GRM8: variants seen among roughly 807,000 people sequenced by gnomAD.
GRM8 encodes glutamate metabotropic receptor 8.
A neutral mutation model predicts 87.2 loss-of-function variants in GRM8; 47 were observed. The observed-to-expected ratio is 0.54, with a 90% CI of 0.43 to 0.69. The LOEUF (loss-of-function observed/expected upper bound fraction) is 0.69. GRM8 is among the 30% of genes least tolerant of loss of function. The pLI is 0.00. For missense variants in GRM8, 1,019 were observed against 1,139.2 expected (o/e 0.89, Z 1.52); for synonymous variants, 396 against 404.5 (o/e 0.98, Z 0.25).
rs139324502 is a variant in GRM8 at position 126,978,198 on chromosome 7, C to T, written c.728-73515G>A. Among the ~76,000 whole-genome samples, 720 of 150,194 alleles carry T rather than the reference C, an allele frequency of 4.8e-3. 7 individuals carry two copies. Among genetic ancestry groups the T allele is most frequent in the African/African-American group, 0.016 (661 of 40,818 alleles). ...GGGAAGGAGAAAAAGAGTAGGGAAG[C>T]GGAGGGGAGGAAAAGACAGGAGAGG... On this transcript the variant is annotated intron_variant, in intron 3 of 10. Transcript: ENST00000339582.
chr7:126,900,780 G>A (rs979717899), intron 6 of GRM8, among the ~76,000 whole-genome samples: 7 of 152,104 alleles, frequency 4.6e-5, no homozygotes, highest in Non-Finnish European at 8.8e-5. Flanking sequence ...AAAGTGCTAG[G>A]ATTACAGGTT....
At chr7:127,154,364 CA>C (rs1333739393) in intron 2 of GRM8, among the ~76,000 whole-genome samples, 4 of 152,048 alleles carry the variant, frequency 2.6e-5, no homozygotes, top group African/African-American at 9.7e-5. Context: ...CTTAAAACAC[CA>C]AGTGATGTTG....
chr7:126,674,181 A>T (rs2151313938), intron 7 of GRM8, among the ~76,000 whole-genome samples: 1 of 152,280 alleles, frequency 6.6e-6, no homozygotes, highest in East Asian at 1.9e-4. Flanking sequence ...GCTCTACTGT[A>T]CTGCTTACTA....
At chr7:126,823,575 T>C (rs1485176153) in intron 6 of GRM8, among the ~76,000 whole-genome samples, 1 of 152,232 alleles carries the variant, frequency 6.6e-6, no homozygotes, top group Non-Finnish European at 1.5e-5. Context: ...CCACATTAAG[T>C]AAATAAAGGT....
chr7:126,467,657 C>A (rs1248533606), intron 9 of GRM8, among the ~76,000 whole-genome samples: 1 of 151,934 alleles, frequency 6.6e-6, no homozygotes, highest in African/African-American at 2.4e-5. Context: ...TGCATTACTA[C>A]AATAACTAAC....
intron 7 of GRM8, among the ~76,000 whole-genome samples, chr7:126,692,996 T>TCA (rs1290328919): frequency 6.6e-6 from 1 of 152,210 alleles, no homozygotes; most frequent in Non-Finnish European, 1.5e-5. Context: ...AGAATGGTGT[T>TCA]GCCTTCACCC....
At chr7:127,244,157 C>T (rs887869368) in intron 1 of GRM8, among the ~76,000 whole-genome samples, 1 of 152,108 alleles carries the variant, frequency 6.6e-6, no homozygotes, top group Non-Finnish European at 1.5e-5. Flanking sequence ...GAAAATGAAA[C>T]ACACAGGTAA....
intron 7 of GRM8, among the ~76,000 whole-genome samples, chr7:126,710,215 A>G (rs899879628): frequency 1.3e-5 from 2 of 152,226 alleles, no homozygotes; most frequent in African/African-American, 4.8e-5. Context: ...TCTTGCCTCA[A>G]TGTTGATGGC....
At chr7:127,146,127 G>C (rs1196425196) in intron 2 of GRM8, among the ~76,000 whole-genome samples, 2 of 151,962 alleles carry the variant, frequency 1.3e-5, no homozygotes, top group East Asian at 3.9e-4. Flanking sequence ...TATTTAGTAA[G>C]TCAGATTTGA....
At chr7:126,640,736 C>T (rs1020471702) in intron 7 of GRM8, among the ~76,000 whole-genome samples, 15 of 151,948 alleles carry the variant, frequency 9.9e-5, no homozygotes, top group Non-Finnish European at 2.2e-4. Context: ...TCTGGACCTT[C>T]CCCCCCTCCT....
chr7:126,727,074 A>G (rs549107172), intron 7 of GRM8, among the ~76,000 whole-genome samples: 28 of 151,990 alleles, frequency 1.8e-4, no homozygotes, highest in Non-Finnish European at 4.1e-4. Context: ...ACTTACGTGT[A>G]TTTAATCATA....
chr7:126,964,276 A>G (rs1230512328), intron 3 of GRM8, among the ~76,000 whole-genome samples: 1 of 152,218 alleles, frequency 6.6e-6, no homozygotes, highest in East Asian at 1.9e-4. Context: ...CATGACTAAA[A>G]CACCAAAAGC....
At chr7:127,014,336 G>A (rs918094034) in intron 3 of GRM8, among the ~76,000 whole-genome samples, 3 of 152,106 alleles carry the variant, frequency 2.0e-5, no homozygotes, top group South Asian at 2.1e-4. Flanking sequence ...CTCCACCTGC[G>A]AAAGTGTCTT....
chr7:127,089,910 G>A (rs1307422707), intron 3 of GRM8, among the ~76,000 whole-genome samples: 1 of 152,142 alleles, frequency 6.6e-6, no homozygotes, highest in African/African-American at 2.4e-5. Flanking sequence ...TTTCTGGGGA[G>A]CCACATAGTC....
At chr7:126,902,275 G>C (rs1307807993) in intron 6 of GRM8, among the ~76,000 whole-genome samples, 4 of 152,204 alleles carry the variant, frequency 2.6e-5, no homozygotes, top group Middle Eastern at 3.4e-3. Context: ...ATTTTCCAAA[G>C]TAGACAATAA....
intron 6 of GRM8, among the ~76,000 whole-genome samples, chr7:126,862,946 T>C (rs1459578064): frequency 1.3e-5 from 2 of 152,136 alleles, no homozygotes; most frequent in African/African-American, 4.8e-5. Flanking sequence ...ATTCTTTCTG[T>C]TTGCTATTGT....
chr7:127,073,245 AG>A (rs1821903973), intron 3 of GRM8, among the ~76,000 whole-genome samples: 1 of 152,204 alleles, frequency 6.6e-6, no homozygotes, highest in South Asian at 2.1e-4. Flanking sequence ...AAAGGCATGC[AG>A]GGCAGAAGGC....
At chr7:126,659,590 T>C (rs914843932) in intron 7 of GRM8, among the ~76,000 whole-genome samples, 2 of 152,258 alleles carry the variant, frequency 1.3e-5, no homozygotes, top group Non-Finnish European at 2.9e-5. Context: ...ATTTAATTCA[T>C]ATGCAGATCT....
At chr7:126,811,735 T>C (rs1793314965) in intron 6 of GRM8, among the ~76,000 whole-genome samples, 1 of 152,082 alleles carries the variant, frequency 6.6e-6, no homozygotes, top group African/African-American at 2.4e-5. Flanking sequence ...CTTTACTGGA[T>C]TCATTTATCA....
Sources: gnomAD v4.1 joint callset for allele counts (sites outside exome capture counted in the v4.1 genomes callset) on GRCh38, gnomAD v4.1.1 for gene constraint, MANE v1.5 for transcripts, NCBI Gene and HGNC (gene_info 2026-07-23, HGNC 2026-07-21) for gene names.